The following SUPT3H variants were observed in gnomAD, a reference collection of about 807,000 sequenced individuals.
The protein encoded by SUPT3H is SPT3 homolog, SAGA and STAGA complex component.
Under a neutral mutation model 44.3 loss-of-function variants are expected in SUPT3H, and 44 were observed. The ratio of observed to expected loss-of-function variants is 0.99; its 90% CI spans 0.78 to 1.28. SUPT3H has a LOEUF of 1.28. Ranked by LOEUF, SUPT3H falls within the 50% of genes most tolerant of loss-of-function variation. The probability of loss-of-function intolerance (pLI) is 0.00; values close to 1 mark genes in which losing one functional copy is unlikely to be tolerated. For missense variants in SUPT3H, 380 were observed against 387.1 expected (o/e 0.98, Z 0.15); for synonymous variants, 124 against 125.6 (o/e 0.99, Z 0.09).
At chr6:45,018,020 C>A (rs949141733) in intron 4 of SUPT3H, among the ~76,000 whole-genome samples, 5 of 151,754 alleles carry the variant, frequency 3.3e-5, no homozygotes, top group African/African-American at 9.7e-5. Context: ...CTTTTATTTC[C>A]TTGAGCAATG....
chr6:45,260,722 AT>A (rs1774221898), intron 2 of SUPT3H, among the ~76,000 whole-genome samples: 1 of 152,152 alleles, frequency 6.6e-6, no homozygotes, highest in Non-Finnish European at 1.5e-5. Flanking sequence ...TTTATGAAAA[AT>A]AAAAAGCTCC....
In SUPT3H at chr6:44,859,763, T is replaced by G. The variant is rs3799975; in HGVS notation, c.913-29906A>C. Among the ~76,000 whole-genome samples the G allele has an allele frequency of 2.6e-4, 40 of 152,344 alleles. 1 individual carries two copies. In the East Asian group the frequency reaches 7.3e-3, roughly 28 times the overall value. On this transcript the variant is annotated intron_variant, in intron 10 of 10. Coordinates refer to ENST00000371459, the MANE Select transcript of SUPT3H (RefSeq NM_003599.4). ...TCTTTTAACTATTTTTCTAGTTCTC[T>G]TCCAAAATTTTGCTGGTTATTAAAA...
intron 3 of SUPT3H, among the ~76,000 whole-genome samples, chr6:45,090,078 G>A (rs1796950672): frequency 6.6e-6 from 1 of 151,984 alleles, no homozygotes; most frequent in Non-Finnish European, 1.5e-5. Context: ...GCTGAATTTG[G>A]TTCTTGGCAT....
intron 10 of SUPT3H, among the ~76,000 whole-genome samples, chr6:44,856,933 A>G (rs1266541501): frequency 3.3e-5 from 5 of 152,224 alleles, no homozygotes. Flanking sequence ...TCTGTAATAA[A>G]TCATGGGGAC....
intron 10 of SUPT3H, among the ~76,000 whole-genome samples, chr6:44,898,444 T>G (rs1003311331): frequency 6.6e-6 from 1 of 152,142 alleles, no homozygotes; most frequent in Non-Finnish European, 1.5e-5. Flanking sequence ...ACTCCTAGCA[T>G]TACTCTATCA....
At chr6:45,115,532 C>T (rs1800717821) in intron 2 of SUPT3H, among the ~76,000 whole-genome samples, 1 of 151,820 alleles carries the variant, frequency 6.6e-6, no homozygotes, top group Non-Finnish European at 1.5e-5. Context: ...GTATATAATC[C>T]TTTTCTAAGC....
intron 10 of SUPT3H, among the ~76,000 whole-genome samples, chr6:44,852,776 C>A (rs1431684778): frequency 1.3e-5 from 2 of 152,178 alleles, no homozygotes; most frequent in Non-Finnish European, 2.9e-5. Context: ...TGCTCTCCCA[C>A]AAAACAAGTA....
At chr6:44,962,131 AG>A (rs913552230) in intron 6 of SUPT3H, among the ~76,000 whole-genome samples, 2 of 152,230 alleles carry the variant, frequency 1.3e-5, no homozygotes, top group African/African-American at 4.8e-5. Context: ...GAAAATGATG[AG>A]GGAATAATAA....
At chr6:45,180,757 T>TA (rs1813007076) in intron 2 of SUPT3H, among the ~76,000 whole-genome samples, 1 of 151,990 alleles carries the variant, frequency 6.6e-6, no homozygotes. Flanking sequence ...CCTAAAACCA[T>TA]AAAAACCCTG....
chr6:44,878,902 A>G (rs1214830149), intron 10 of SUPT3H, among the ~76,000 whole-genome samples: 1 of 152,056 alleles, frequency 6.6e-6, no homozygotes, highest in African/African-American at 2.4e-5. Flanking sequence ...CCAGATAACT[A>G]TGCTTTTCCT....
chr6:45,091,689 C>T (rs981457434), intron 3 of SUPT3H, among the ~76,000 whole-genome samples: 1 of 151,962 alleles, frequency 6.6e-6, no homozygotes, highest in Admixed American at 6.6e-5. Flanking sequence ...ATAAGTGATG[C>T]CACTCTGTCA....
chr6:45,261,069 C>T lies in SUPT3H; in HGVS notation c.101+104132G>A, dbSNP rs1481483799. Among the ~76,000 whole-genome samples the T allele has an allele frequency of 2.6e-5, 4 of 151,838 alleles. No homozygotes were observed. In the East Asian group the frequency reaches 7.7e-4, roughly 29 times the overall value. On this transcript the variant is annotated intron_variant, in intron 2 of 10. Coordinates refer to ENST00000371459, the MANE Select transcript of SUPT3H (RefSeq NM_003599.4). The stretch of plus-strand genomic sequence containing the variant: ...TATTTTAAAATAATTTTTTTAAAAC[C>T]CTACCAATCAAAACCAATCAAAATT...
chr6:45,240,081 T>C (rs976777801), intron 2 of SUPT3H, among the ~76,000 whole-genome samples: 8 of 152,172 alleles, frequency 5.3e-5, no homozygotes, highest in African/African-American at 1.9e-4. Flanking sequence ...GGGTAGAGGT[T>C]ATGCTTGTCT....
At chr6:44,836,313 T>C (rs1040799899) in intron 10 of SUPT3H, among the ~76,000 whole-genome samples, 17 of 152,338 alleles carry the variant, frequency 1.1e-4, no homozygotes, top group African/African-American at 3.6e-4. Flanking sequence ...CTGTATAACA[T>C]GCAAAACTCA....
At chr6:44,912,989 G>C (rs1767293222) in intron 10 of SUPT3H, among the ~76,000 whole-genome samples, 1 of 152,128 alleles carries the variant, frequency 6.6e-6, no homozygotes, top group African/African-American at 2.4e-5. Context: ...AAGAAAATGT[G>C]TGAAATACTT....
chr6:45,282,880 T>C (rs569553282), intron 2 of SUPT3H, among the ~76,000 whole-genome samples: 1 of 152,312 alleles, frequency 6.6e-6, no homozygotes, highest in South Asian at 2.1e-4. Flanking sequence ...GACTAACGGC[T>C]GATCTCTCAG....
intron 10 of SUPT3H, among the ~76,000 whole-genome samples, chr6:44,922,907 T>C (rs1054595761): frequency 4.6e-5 from 7 of 152,166 alleles, no homozygotes; most frequent in Non-Finnish European, 7.4e-5. Flanking sequence ...CATGAATTCA[T>C]GAGTTAAAAG....
chr6:44,908,154 C>CT (rs70993481), intron 10 of SUPT3H, among the ~76,000 whole-genome samples: 22,208 of 136,904 alleles, frequency 0.16, 2,222 homozygotes, highest in South Asian at 0.26. Context: ...TTTTTCTTTT[C>CT]TTTTTTTTTT....
At chr6:45,315,101 C>T (rs544273159) in intron 2 of SUPT3H, among the ~76,000 whole-genome samples, 1 of 152,202 alleles carries the variant, frequency 6.6e-6, no homozygotes, top group Admixed American at 6.5e-5. Context: ...GAGAATGAAA[C>T]TCGATCCTCA....
Sources: allele counts gnomAD v4.1 joint callset (sites outside exome capture counted in the v4.1 genomes callset), GRCh38; gene constraint gnomAD v4.1.1; transcripts MANE v1.5; gene names NCBI Gene and HGNC (gene_info 2026-07-23, HGNC 2026-07-21).